The following GLIS3 variants were observed in gnomAD, a reference collection of about 807,000 sequenced individuals.
GLIS3 encodes the protein zinc finger protein GLIS3.
Under a neutral mutation model 78.6 loss-of-function variants are expected in GLIS3, and 53 were observed. The observed-to-expected ratio is 0.67, with a 90% CI of 0.54 to 0.85. The LOEUF (loss-of-function observed/expected upper bound fraction) is 0.85. GLIS3 is among the 40% of genes least tolerant of loss of function. GLIS3 has a pLI of 0.00. For synonymous variants in GLIS3, 684 were observed against 509.9 expected (o/e 1.34, Z -4.60); for missense variants, 1,703 against 1,231.1 (o/e 1.38, Z -5.74).
the GLIS3 span, among the ~76,000 whole-genome samples, chr9:4,354,517 C>A: frequency 6.6e-6 from 1 of 152,168 alleles, no homozygotes; most frequent in Non-Finnish European, 1.5e-5. Flanking sequence ...ACAATAATAA[C>A]TGCTTACCCT....
At chr9:4,255,692 T>C (rs992074809) in intron 2 of GLIS3, among the ~76,000 whole-genome samples, 1 of 152,190 alleles carries the variant, frequency 6.6e-6, no homozygotes, top group South Asian at 2.1e-4. Context: ...AGATCAGTGG[T>C]TGCCAAGAGC....
At chr9:3,981,376 C>G (rs1203796371) in intron 4 of GLIS3, among the ~76,000 whole-genome samples, 2 of 152,176 alleles carry the variant, frequency 1.3e-5, no homozygotes, top group Non-Finnish European at 2.9e-5. Context: ...AAGCCTGACT[C>G]TAGCTTCCAA....
intron 6 of GLIS3, 79 bp from the exon 7 acceptor site, chr9:3,898,914 A>G (rs965961382): frequency 3.8e-6 from 6 of 1,595,240 alleles, no homozygotes; most frequent in Middle Eastern, 2.3e-4. Flanking sequence ...ATCATGCTCT[A>G]TCAGTGCAAC....
At chr9:4,192,923 G>A (rs1341257387) in intron 2 of GLIS3, among the ~76,000 whole-genome samples, 1 of 152,232 alleles carries the variant, frequency 6.6e-6, no homozygotes, top group South Asian at 2.1e-4. Context: ...GTATCTCAGT[G>A]TGGACAGGAT....
Position 4,158,763 on chromosome 9 carries a change from T to C in GLIS3, c.389-32822A>G, listed in dbSNP as rs111510786. On this transcript the variant is annotated intron_variant, in intron 2 of 10. Transcript: ENST00000381971. ...TGCACATTGTAGTGGTGAGAGAATATACAATAATATGAGTGAATGAATAAG... is the reference window on the plus strand; with the variant it reads ...TGCACATTGTAGTGGTGAGAGAATACACAATAATATGAGTGAATGAATAAG... Among the ~76,000 whole-genome samples the C allele has an allele frequency of 2.0e-4, 31 of 152,242 alleles. 2 individuals carry two copies. Among genetic ancestry groups the C allele is most frequent in the African/African-American group, 6.3e-4 (26 of 41,536 alleles).
intron 2 of GLIS3, among the ~76,000 whole-genome samples, chr9:4,346,381 T>C (rs1174276815): frequency 1.1e-5 from 1 of 92,230 alleles, no homozygotes; most frequent in Non-Finnish European, 2.2e-5. Context: ...TTTGGTGTTC[T>C]AGCCAGTGAC....
chr9:4,025,076 C>T (rs893327810), intron 4 of GLIS3, among the ~76,000 whole-genome samples: 2 of 110,848 alleles, frequency 1.8e-5, no homozygotes, highest in Admixed American at 1.7e-4. Flanking sequence ...ATGGCGAGAC[C>T]CCCATCTCTA....
intron 2 of GLIS3, among the ~76,000 whole-genome samples, chr9:4,231,514 C>G (rs1822250304): frequency 6.6e-6 from 1 of 151,896 alleles, no homozygotes; most frequent in Non-Finnish European, 1.5e-5. Flanking sequence ...AGAAAAAGTC[C>G]TTAGATAGAA....
At chr9:4,414,614 G>C in the GLIS3 span, among the ~76,000 whole-genome samples, 1 of 152,080 alleles carries the variant, frequency 6.6e-6, no homozygotes, top group South Asian at 2.1e-4. Flanking sequence ...AGACTTTTCA[G>C]AACTTTTTTG....
chr9:4,100,802 T>A (rs1363707241), intron 4 of GLIS3, among the ~76,000 whole-genome samples: 3 of 152,212 alleles, frequency 2.0e-5, no homozygotes, highest in African/African-American at 7.2e-5. Context: ...ATCTATGTTA[T>A]CCCTCTACGG....
At chr9:4,255,197 G>T (rs561156268) in intron 2 of GLIS3, among the ~76,000 whole-genome samples, 2 of 152,170 alleles carry the variant, frequency 1.3e-5, no homozygotes, top group African/African-American at 2.4e-5. Context: ...CCTAAATTCA[G>T]AACACTGACA....
intron 3 of GLIS3, among the ~76,000 whole-genome samples, chr9:4,309,861 G>C (rs1407875391): frequency 6.6e-6 from 1 of 152,048 alleles, no homozygotes; most frequent in Admixed American, 6.6e-5. Context: ...GTAGAACTTT[G>C]TATTAGAGTA....
rs574159844 is a variant in GLIS3 at position 4,180,472 on chromosome 9, G to A, written c.389-54531C>T. Among the ~76,000 whole-genome samples the A allele has an allele frequency of 3.3e-5, 5 of 152,142 alleles. No individual in the cohort carries two copies. The South Asian group carries it at 6.2e-4, about 19-fold the overall frequency. On this transcript the variant is annotated intron_variant, in intron 2 of 10. Transcript: ENST00000381971. ...AGGATGCCCCCACATAATTTTTTAC[G>A]GCTATTTTGGGATTAAATGAAACAC...
At chr9:3,952,237 G>T (rs777521096) in intron 4 of GLIS3, among the ~76,000 whole-genome samples, 3 of 152,018 alleles carry the variant, frequency 2.0e-5, no homozygotes, top group Admixed American at 6.5e-5. Flanking sequence ...CTTGTTTAGG[G>T]GGAAAAAGGT....
In GLIS3 at chr9:3,870,449, G is replaced by A. The variant is rs569386440; in HGVS notation, c.2297+8978C>T. On this transcript the variant is annotated intron_variant, in intron 8 of 10. Transcript: ENST00000381971. ...TATATTAGTCTGTTTTCATGCTGCT[G>A]TTAAAGACGTACCTGAGACTGGGCA... 3.3e-5 allele frequency among the ~76,000 whole-genome samples: 5 copies of A among 152,248 alleles called. No homozygotes were observed. In the East Asian group the frequency reaches 7.7e-4, roughly 24 times the overall value.
At chr9:4,236,204 A>AAAGAAAG (rs1554630095) in intron 2 of GLIS3, among the ~76,000 whole-genome samples, 37 of 86,382 alleles carry the variant, frequency 4.3e-4, no homozygotes, top group Admixed American at 1.9e-3. Flanking sequence ...AAAAAAAAAA[A>AAAGAAAG]AAAGAAAGAA....
intron 9 of GLIS3, among the ~76,000 whole-genome samples, chr9:3,847,573 C>T (rs752603656): frequency 6.6e-5 from 10 of 152,236 alleles, no homozygotes; most frequent in Non-Finnish European, 8.8e-5. Flanking sequence ...TGCACTCATG[C>T]TTGTGTGTGC....
chr9:4,160,488 A>G (rs1885239), intron 2 of GLIS3, among the ~76,000 whole-genome samples: 120,332 of 152,198 alleles, frequency 0.79, 48,770 homozygotes, highest in East Asian at 0.99. Flanking sequence ...TGAACCACAT[A>G]TTAAAAACAA....
intron 4 of GLIS3, among the ~76,000 whole-genome samples, chr9:4,078,310 T>G (rs561650110): frequency 8.5e-5 from 13 of 152,166 alleles, no homozygotes; most frequent in Non-Finnish European, 1.8e-4. Context: ...CCTACCTGCC[T>G]GGCCCCATTC....
Sources: gnomAD v4.1 joint callset for allele counts (sites outside exome capture counted in the v4.1 genomes callset) on GRCh38, gnomAD v4.1.1 for gene constraint, MANE v1.5 for transcripts, NCBI Gene and HGNC (gene_info 2026-07-23, HGNC 2026-07-21) for gene names.